The following IGF2BP2 variants were observed in gnomAD, a reference collection of about 807,000 sequenced individuals.
The protein encoded by IGF2BP2 is insulin like growth factor 2 mRNA binding protein 2, also known as insulin-like growth factor 2 mRNA-binding protein 2.
Under a neutral mutation model 75.8 loss-of-function variants are expected in IGF2BP2, and 17 were observed. That is an observed-to-expected ratio of 0.22 (90% CI 0.15 to 0.34). IGF2BP2 has a LOEUF of 0.34. Ranked by LOEUF, IGF2BP2 falls within the 10% of genes least tolerant of loss-of-function variation. The probability of loss-of-function intolerance (pLI) is 1.00; values close to 1 mark genes in which losing one functional copy is unlikely to be tolerated. For synonymous variants in IGF2BP2, 288 were observed against 295.6 expected, an observed-to-expected ratio of 0.97 and a Z score of 0.26; for missense variants, 516 against 772.4, an observed-to-expected ratio of 0.67 and a Z score of 3.93.
chr3:185,715,298 G>A (rs1725418420), intron 2 of IGF2BP2, among the ~76,000 whole-genome samples: 1 of 152,196 alleles, frequency 6.6e-6, no homozygotes. Context: ...GGAAAGGCAA[G>A]AGAGCAGGCT....
chr3:185,657,246 G>A, intron 12 of IGF2BP2, 40 bp downstream of exon 12: 1 of 1,376,908 alleles, frequency 7.3e-7, no homozygotes, highest in Non-Finnish European at 1.0e-6. Flanking sequence ...GATGAGAGGA[G>A]GTGGTAGAAG....
intron 13 of IGF2BP2, among the ~76,000 whole-genome samples, chr3:185,650,292 G>A (rs1319247480): frequency 6.7e-6 from 1 of 149,998 alleles, no homozygotes; most frequent in East Asian, 1.9e-4. Context: ...TTTTTTTAGT[G>A]AAAAAGAACC....
At chr3:185,772,529 A>G (rs562087327) in intron 2 of IGF2BP2, among the ~76,000 whole-genome samples, 1 of 150,152 alleles carries the variant, frequency 6.7e-6, no homozygotes, top group Admixed American at 6.6e-5. Context: ...ATCATCAATC[A>G]TTACAATGGG....
At chr3:185,752,960 GT>G (rs1233024675) in intron 2 of IGF2BP2, among the ~76,000 whole-genome samples, 1 of 152,150 alleles carries the variant, frequency 6.6e-6, no homozygotes, top group African/African-American at 2.4e-5. Flanking sequence ...TATTTACTAT[GT>G]TTTCATTCAC....
chr3:185,803,424 C>T (rs760564865), intron 2 of IGF2BP2, among the ~76,000 whole-genome samples: 1 of 152,160 alleles, frequency 6.6e-6, no homozygotes, highest in Non-Finnish European at 1.5e-5. Context: ...GTAAATATTT[C>T]CCAAATAAAA....
In IGF2BP2 at chr3:185,824,925, G is replaced by A; in HGVS notation, c.36C>T (p.Pro12=). ...MNKLYIGNLS[P]AVTADDLRQL... is the part of the protein sequence containing the mutation. ...GCCGGAGGTCGTCGGCGGTGACGGCGGGGCTCAGGTTCCCGATGTAAAGCT... is the reference window on the plus strand; with the variant it reads ...GCCGGAGGTCGTCGGCGGTGACGGCAGGGCTCAGGTTCCCGATGTAAAGCT... Residue 12 remains proline (P), a synonymous_variant, in exon 1 of 16, where the codon CCC becomes CCT. Transcript: ENST00000382199. The A allele has an allele frequency of 6.4e-7, 1 of 1,560,748 alleles. No homozygotes were observed. The highest frequency in any genetic ancestry group is 8.7e-7 in the Non-Finnish European group (1 of 1,150,410).
rs543782428 is a variant in IGF2BP2 at position 185,786,730 on chromosome 3, G to A, written c.239+36423C>T. ...TTTGGTGGTCTCTTCACATGGACGC[G>A]CGTGACAGAACCCTCTTAAGATACG... On this transcript the variant is annotated intron_variant, in intron 2 of 15. Coordinates refer to ENST00000382199, the MANE Select transcript of IGF2BP2 (RefSeq NM_006548.6). Among the ~76,000 whole-genome samples, 31 of 152,146 alleles carry A rather than the reference G, an allele frequency of 2.0e-4. No individual in the cohort carries two copies. In the South Asian group the frequency reaches 3.5e-3, roughly 17 times the overall value.
chr3:185,676,282 C>T lies in IGF2BP2; in HGVS notation c.813-369G>A, dbSNP rs182748163. 2.2e-4 allele frequency among the ~76,000 whole-genome samples: 33 copies of T among 152,262 alleles called. No individual in the cohort carries two copies. The East Asian group carries it at 5.4e-3, about 25-fold the overall frequency. ...CTAGGAAGCCACAGGTCTCTTTCCC[C>T]CTCACACACACCTCAAATTAACAAG... On this transcript the variant is annotated intron_variant, in intron 7 of 15. Transcript: ENST00000382199.
rs1713823445 is a variant in IGF2BP2, at chr3:185,647,647, T to C, written c.1594-509A>G. On this transcript the variant is annotated intron_variant, in intron 14 of 15. Transcript: ENST00000382199. The surrounding 1 kb of genome is among the most constrained non-coding windows in gnomAD (Gnocchi z 4.9). Reference sequence around the variant, plus strand: ...TGCTCATGCTGTTCCTACCCTTGGATTGTTGTCCTCTCTCCCGGCCACTGG... The same window carrying C: ...TGCTCATGCTGTTCCTACCCTTGGACTGTTGTCCTCTCTCCCGGCCACTGG... Among the ~76,000 whole-genome samples the C allele has an allele frequency of 6.6e-6, 1 of 152,160 alleles. No individual in the cohort carries two copies. Among genetic ancestry groups the C allele is most frequent in the Non-Finnish European group, 1.5e-5 (1 of 68,020 alleles).
chr3:185,658,318 G>A (rs371938233), intron 11 of IGF2BP2, 23 bp downstream of exon 11: 23 of 1,610,080 alleles, frequency 1.4e-5, no homozygotes, highest in Admixed American at 6.7e-5. Flanking sequence ...TGGCAGGTGC[G>A]GCTGAACTGA....
chr3:185,811,875 TCTCC>T (rs1462431746), intron 2 of IGF2BP2, among the ~76,000 whole-genome samples: 74 of 49,288 alleles, frequency 1.5e-3, no homozygotes, highest in African/African-American at 3.4e-3. Context: ...TCTCTCTCTC[TCTCC>T]CCCTCTCCCT....
chr3:185,781,631 C>T (rs182840225), intron 2 of IGF2BP2, among the ~76,000 whole-genome samples: 1 of 152,196 alleles, frequency 6.6e-6, no homozygotes, highest in East Asian at 1.9e-4. Flanking sequence ...TATATGCATG[C>T]CTTTATTTAT....
chr3:185,736,463 C>G (rs1174667257), intron 2 of IGF2BP2, among the ~76,000 whole-genome samples: 3 of 152,230 alleles, frequency 2.0e-5, no homozygotes, highest in Non-Finnish European at 4.4e-5. Flanking sequence ...GATTTTGACA[C>G]TGCCATGGGT....
intron 2 of IGF2BP2, chr3:185,716,765 A>T (rs1337358910): frequency 1.9e-6 from 1 of 519,706 alleles, no homozygotes; most frequent in South Asian, 1.4e-5. Context: ...GTGGGAGGAC[A>T]TCCTTCATTT....
At chr3:185,805,324 T>C (rs1738870445) in intron 2 of IGF2BP2, among the ~76,000 whole-genome samples, 1 of 152,162 alleles carries the variant, frequency 6.6e-6, no homozygotes, top group Non-Finnish European at 1.5e-5. Flanking sequence ...TGAGCTTTTG[T>C]AGGTAGAGAG....
intron 2 of IGF2BP2, among the ~76,000 whole-genome samples, chr3:185,811,733 T>C (rs887016896): frequency 1.3e-5 from 2 of 151,856 alleles, no homozygotes; most frequent in Non-Finnish European, 2.9e-5. Context: ...ACTACAAAAG[T>C]TGTGTGCAAA....
chr3:185,759,225 C>T (rs896703527), intron 2 of IGF2BP2, among the ~76,000 whole-genome samples: 5 of 152,110 alleles, frequency 3.3e-5, no homozygotes, highest in African/African-American at 1.2e-4. Context: ...ATACAAATGC[C>T]CAGTTTCCAT....
At chr3:185,727,972 C>T (rs6794209) in intron 2 of IGF2BP2, among the ~76,000 whole-genome samples, 16,597 of 152,180 alleles carry the variant, frequency 0.11, 1,151 homozygotes, top group Middle Eastern at 0.2. Context: ...TCTCAACAGT[C>T]GTGAGTTCAA....
intron 9 of IGF2BP2, among the ~76,000 whole-genome samples, chr3:185,673,631 T>C (rs1440058745): frequency 6.6e-6 from 1 of 152,226 alleles, no homozygotes; most frequent in Non-Finnish European, 1.5e-5. Flanking sequence ...GCTTCCATCT[T>C]TGTCTCCCTG....
Sources: gnomAD v4.1 joint callset for allele counts (sites outside exome capture counted in the v4.1 genomes callset) on GRCh38, gnomAD v4.1.1 for gene constraint, Gnocchi (gnomAD v3.1) non-coding constraint, MANE v1.5 for transcripts, NCBI Gene and HGNC (gene_info 2026-07-23, HGNC 2026-07-21) for gene names.